The following ASTN2 variants were observed in gnomAD, a reference collection of about 807,000 sequenced individuals.
The protein encoded by ASTN2 is astrotactin 2, also known as astrotactin-2.
Under a neutral mutation model 139.8 loss-of-function variants are expected in ASTN2, and 54 were observed. The observed-to-expected ratio is 0.39, with a 90% CI of 0.31 to 0.48. The LOEUF is 0.48. Ranked by LOEUF, ASTN2 falls within the 20% of genes least tolerant of loss-of-function variation. The pLI is 0.95. For missense variants in ASTN2, 1,565 were observed against 1,725.1 expected, an observed-to-expected ratio of 0.91 and a Z score of 1.64; for synonymous variants, 756 against 719.5, an observed-to-expected ratio of 1.05 and a Z score of -0.81.
chr9:117,335,818 T>C (rs1039370509), intron 1 of ASTN2, among the ~76,000 whole-genome samples: 1 of 152,022 alleles, frequency 6.6e-6, no homozygotes, highest in South Asian at 2.1e-4. Flanking sequence ...ACCCAGCACT[T>C]CAATGGTAGA....
At chr9:117,245,240 G>A (rs535359289) in intron 2 of ASTN2, among the ~76,000 whole-genome samples, 1 of 152,310 alleles carries the variant, frequency 6.6e-6, no homozygotes, top group Admixed American at 6.5e-5. Context: ...TGCTACGATT[G>A]TAACCAATTA....
chr9:116,960,306 T>C (rs1233513317), intron 10 of ASTN2, among the ~76,000 whole-genome samples: 1 of 152,196 alleles, frequency 6.6e-6, no homozygotes, highest in Non-Finnish European at 1.5e-5. Context: ...AGGAGTATCC[T>C]GTATTCAATT....
intron 10 of ASTN2, among the ~76,000 whole-genome samples, chr9:116,870,343 G>A (rs962311378): frequency 6.6e-6 from 1 of 152,066 alleles, no homozygotes; most frequent in Non-Finnish European, 1.5e-5. Context: ...TCTCAGCTCT[G>A]TAGATGACTA....
chr9:116,949,096 C>G (rs1446005439), intron 10 of ASTN2, among the ~76,000 whole-genome samples: 3 of 151,870 alleles, frequency 2.0e-5, no homozygotes, highest in African/African-American at 7.3e-5. Flanking sequence ...GCTTCTTTCT[C>G]TTTTTCAAAA....
intron 13 of ASTN2, among the ~76,000 whole-genome samples, chr9:116,784,531 A>T (rs1830310778): frequency 6.6e-6 from 1 of 152,214 alleles, no homozygotes; most frequent in African/African-American, 2.4e-5. Context: ...TAACATGGGC[A>T]TGTTTTCATG....
At chr9:116,834,647 A>G (rs547727938) in intron 11 of ASTN2, among the ~76,000 whole-genome samples, 1 of 152,194 alleles carries the variant, frequency 6.6e-6, no homozygotes, top group Non-Finnish European at 1.5e-5. Flanking sequence ...ATTTACTTTC[A>G]ATCTGTCTAT....
intron 1 of ASTN2, among the ~76,000 whole-genome samples, chr9:117,392,330 G>T (rs1246008142): frequency 6.6e-6 from 1 of 152,152 alleles, no homozygotes; most frequent in Non-Finnish European, 1.5e-5. Flanking sequence ...GGGAAACAAA[G>T]GGAGAAATCC....
chr9:117,157,451 G>A (rs1293223556), intron 3 of ASTN2, among the ~76,000 whole-genome samples: 1 of 151,928 alleles, frequency 6.6e-6, no homozygotes, highest in Non-Finnish European at 1.5e-5. Context: ...GAGTTGGGCT[G>A]GACATCAAAA....
intron 13 of ASTN2, among the ~76,000 whole-genome samples, chr9:116,754,577 A>C (rs906779368): frequency 6.6e-6 from 1 of 152,086 alleles, no homozygotes; most frequent in African/African-American, 2.4e-5. Flanking sequence ...TTGTTTTTGC[A>C]TTGTTTATGG....
chr9:117,248,037 T>C (rs1426853774), intron 2 of ASTN2, among the ~76,000 whole-genome samples: 1 of 152,210 alleles, frequency 6.6e-6, no homozygotes, highest in Non-Finnish European at 1.5e-5. Flanking sequence ...TAATCAGGTG[T>C]ATTCACAGAC....
intron 17 of ASTN2, among the ~76,000 whole-genome samples, chr9:116,632,186 G>GGAGAGAGAGAA (rs1856800348): frequency 8.7e-5 from 1 of 11,464 alleles, no homozygotes; most frequent in Non-Finnish European, 1.6e-4. Context: ...GAGAGAGAGG[G>GGAGAGAGAGAA]AGAGAGAGAG....
At chr9:117,032,990 A>G (rs1838288898) in intron 6 of ASTN2, among the ~76,000 whole-genome samples, 1 of 152,198 alleles carries the variant, frequency 6.6e-6, no homozygotes, top group African/African-American at 2.4e-5. Context: ...TGCAACAATC[A>G]TATCAATATA....
At chr9:116,840,863 G>C (rs903152041) in intron 11 of ASTN2, among the ~76,000 whole-genome samples, 2 of 151,214 alleles carry the variant, frequency 1.3e-5, no homozygotes, top group African/African-American at 4.9e-5. Context: ...ATGGGATGGC[G>C]GCCGGGTAGA....
chr9:117,124,339 C>T (rs567800021), intron 4 of ASTN2, among the ~76,000 whole-genome samples: 4 of 152,072 alleles, frequency 2.6e-5, no homozygotes, highest in Admixed American at 6.5e-5. Context: ...TCATTTAAGG[C>T]CTTTTGAGGG....
rs563250381 is a variant in ASTN2, at chr9:117,033,933, G to T, written c.1423+5886C>A. Among the ~76,000 whole-genome samples, 5 of 152,202 alleles carry T rather than the reference G, an allele frequency of 3.3e-5. No homozygotes were observed. The South Asian group carries it at 6.2e-4, about 19-fold the overall frequency. ...ATAACAGACATGCTCAATAATAGTAGGTTCCCTTCCTGTCTAGGTTCCTTC... is the reference window on the plus strand; with the variant it reads ...ATAACAGACATGCTCAATAATAGTATGTTCCCTTCCTGTCTAGGTTCCTTC... On this transcript the variant is annotated intron_variant, in intron 6 of 22. Transcript: ENST00000313400.
Position 117,040,094 on chromosome 9 carries a change from T to C in ASTN2, c.1277-129A>G, listed in dbSNP as rs146592347. On this transcript the variant is annotated intron_variant, in intron 5 of 22. Coordinates refer to ENST00000313400, the MANE Select transcript of ASTN2 (RefSeq NM_001365068.1). The stretch of plus-strand genomic sequence containing the variant: ...AAAAGAAAAGAAAAGAAAAAAGACA[T>C]GTTTTCTAACCTTTGTGCCTGCTAT... The C allele has an allele frequency of 4.4e-4, 512 of 1,156,342 alleles. 3 individuals are homozygous for C. The African/African-American group carries it at 7.1e-3, about 16-fold the overall frequency. The allele number at this position is 1,156,342 out of a possible 1,614,324, so 71.6% of individuals were successfully genotyped here.
intron 3 of ASTN2, among the ~76,000 whole-genome samples, chr9:117,183,752 G>T (rs918837976): frequency 1.3e-5 from 2 of 152,160 alleles, no homozygotes; most frequent in Non-Finnish European, 2.9e-5. Flanking sequence ...CTTCCACAAA[G>T]CCTTTCCTGA....
intron 20 of ASTN2, among the ~76,000 whole-genome samples, chr9:116,445,003 TATC>T (rs1435977581): frequency 1.3e-5 from 2 of 152,178 alleles, no homozygotes; most frequent in African/African-American, 4.8e-5. Context: ...TGTAAGCACT[TATC>T]ATCCACATAT....
At chr9:116,949,553 C>T (rs1835499000) in intron 10 of ASTN2, among the ~76,000 whole-genome samples, 2 of 152,104 alleles carry the variant, frequency 1.3e-5, no homozygotes, top group Non-Finnish European at 2.9e-5. Flanking sequence ...GATGTGAAGG[C>T]CCTGGTTCTG....
Sources: gnomAD v4.1 joint callset for allele counts (sites outside exome capture counted in the v4.1 genomes callset) on GRCh38, gnomAD v4.1.1 for gene constraint, MANE v1.5 for transcripts, NCBI Gene and HGNC (gene_info 2026-07-23, HGNC 2026-07-21) for gene names.